The following RBPMS variants were observed in gnomAD, a reference collection of about 807,000 sequenced individuals.
The protein encoded by RBPMS is RNA-binding protein with multiple splicing.
Under a neutral mutation model 26.8 loss-of-function variants are expected in RBPMS, and 7 were observed. That is an observed-to-expected ratio of 0.26 (90% CI 0.15 to 0.49). The LOEUF (loss-of-function observed/expected upper bound fraction) is 0.49. RBPMS is among the 20% of genes least tolerant of loss of function. The pLI is 0.98. For missense variants in RBPMS, 186 were observed against 250.0 expected, an observed-to-expected ratio of 0.74 and a Z score of 1.73; for synonymous variants, 96 against 93.3, an observed-to-expected ratio of 1.03 and a Z score of -0.17.
At chr8:30,464,438 G>A (rs1026896452) in intron 1 of RBPMS, among the ~76,000 whole-genome samples, 1 of 152,126 alleles carries the variant, frequency 6.6e-6, no homozygotes, top group Admixed American at 6.5e-5. Flanking sequence ...CAGCTTTCTA[G>A]TTCACACCTT....
chr8:30,558,926 TG>T lies in RBPMS; in HGVS notation c.570del (p.Trp190Ter), dbSNP rs1225952466. ...LPPSEATSQGWKSRQFC is the reference protein window; with the variant it reads ...LPPSEATSQGXKSRQFC ...TCCCTCCGAGGCTACTTCTCAGGGC[TG>T]GAAGTCCCGTCAGTTCTGCTGAATA... On this transcript the variant is annotated frameshift_variant, in exon 7 of 9. Transcript: ENST00000397323. LOFTEE classifies it high-confidence loss of function. 1 of 1,614,194 alleles carries T rather than the reference TG, an allele frequency of 6.2e-7. No individual in the cohort carries two copies. Among genetic ancestry groups the T allele is most frequent in the Non-Finnish European group, 8.5e-7 (1 of 1,180,026 alleles).
At chr8:30,513,203 C>G (rs1460080185) in intron 5 of RBPMS, among the ~76,000 whole-genome samples, 1 of 152,048 alleles carries the variant, frequency 6.6e-6, no homozygotes, top group East Asian at 1.9e-4. Context: ...AAGTGAGACA[C>G]AGAGGAGAAA....
Position 30,497,957 on chromosome 8 carries a change from T to A in RBPMS, c.247-6329T>A, listed in dbSNP as rs940812748. On this transcript the variant is annotated intron_variant, in intron 4 of 8. Coordinates refer to ENST00000397323, the MANE Select transcript of RBPMS (RefSeq NM_001008710.3). ...AGAGGGATAGTAGCAAATTTGACCT[T>A]GAGTTTCATTGGCTGTGGGTTTTCA... 2.6e-5 allele frequency among the ~76,000 whole-genome samples: 4 copies of A among 151,630 alleles called. No homozygotes were observed. In the East Asian group the frequency reaches 7.7e-4, roughly 29 times the overall value.
Position 30,556,844 on chromosome 8 carries a change from C to T in RBPMS, c.529-2043C>T. The T allele has an allele frequency of 3.3e-6, 3 of 907,706 alleles. No homozygotes were observed. In the South Asian group the frequency reaches 1.5e-4, roughly 46 times the overall value. The allele number at this position is 907,706 out of a possible 1,614,324, so 56.2% of individuals were successfully genotyped here. ...CCACCTCTGCCCTCCCTCTCCTCCC[C>T]TAGACTCTTCTGTCCCCTTCCCTGC... On this transcript the variant is annotated intron_variant, in intron 6 of 8. Transcript: ENST00000397323.
chr8:30,486,291 G>C (rs1166880558), intron 4 of RBPMS, among the ~76,000 whole-genome samples: 2 of 151,848 alleles, frequency 1.3e-5, no homozygotes, highest in Non-Finnish European at 2.9e-5. Context: ...AGTGAGCCAA[G>C]ATCGCACCAC....
chr8:30,435,370 T>C (rs1812342539), intron 1 of RBPMS, among the ~76,000 whole-genome samples: 1 of 152,146 alleles, frequency 6.6e-6, no homozygotes, highest in East Asian at 1.9e-4. Context: ...GGCATTTAGA[T>C]AAGGGATGCT....
chr8:30,392,808 TAG>T (rs765122916), intron 1 of RBPMS, among the ~76,000 whole-genome samples: 1 of 151,790 alleles, frequency 6.6e-6, no homozygotes, highest in Non-Finnish European at 1.5e-5. Flanking sequence ...GAATAGAAAA[TAG>T]AGATGTGGAA....
At chr8:30,510,500 CTTT>C (rs35949437) in intron 5 of RBPMS, among the ~76,000 whole-genome samples, 1 of 146,774 alleles carries the variant, frequency 6.8e-6, no homozygotes, top group African/African-American at 2.5e-5. Context: ...ACCACACTGC[CTTT>C]TTTTTTTTTC....
At chr8:30,518,658 C>T (rs1822615856) in intron 5 of RBPMS, among the ~76,000 whole-genome samples, 1 of 141,282 alleles carries the variant, frequency 7.1e-6, no homozygotes, top group Non-Finnish European at 1.5e-5. Context: ...GAACTCCTGA[C>T]CTCCAGTGAT....
At chr8:30,430,890 G>T (rs1202377574) in intron 1 of RBPMS, among the ~76,000 whole-genome samples, 2 of 152,144 alleles carry the variant, frequency 1.3e-5, no homozygotes, top group Non-Finnish European at 2.9e-5. Context: ...CACTATCCAA[G>T]TTGCTAAAAT....
Position 30,558,554 on chromosome 8 carries a change from G to C in RBPMS, c.529-333G>C, listed in dbSNP as rs533828482. The C allele has an allele frequency of 1.5e-3, 646 of 443,534 alleles. 2 individuals carry two copies. Among genetic ancestry groups the C allele is most frequent in the Non-Finnish European group, 2.1e-3 (494 of 237,786 alleles). 27.5% of individuals were successfully genotyped at this position (443,534 alleles called of 1,614,324 possible). Reference sequence around the variant, plus strand: ...ATAGCCTTTCACCAGCCTAGGCCTGGGAAAAGGAATTCGCTGTGCCGGATC... The same window carrying C: ...ATAGCCTTTCACCAGCCTAGGCCTGCGAAAAGGAATTCGCTGTGCCGGATC... On this transcript the variant is annotated intron_variant, in intron 6 of 8. Transcript: ENST00000397323.
intron 1 of RBPMS, among the ~76,000 whole-genome samples, chr8:30,391,585 G>C (rs184342533): frequency 0.01 from 1,535 of 152,318 alleles, 26 homozygotes; most frequent in Admixed American, 0.042. Context: ...TGCTATGTTG[G>C]TATGAACAAG....
chr8:30,525,700 G>A (rs996317325), intron 5 of RBPMS, among the ~76,000 whole-genome samples: 5 of 152,208 alleles, frequency 3.3e-5, no homozygotes, highest in Non-Finnish European at 7.3e-5. Flanking sequence ...AGCTGCTTGC[G>A]GGGGAACGTA....
intron 4 of RBPMS, among the ~76,000 whole-genome samples, chr8:30,493,930 A>ATACATAGGGGTGGT (rs1477299587): frequency 4.6e-5 from 7 of 152,206 alleles, no homozygotes; most frequent in Non-Finnish European, 8.8e-5. Flanking sequence ...GCATGGTTAT[A>ATACATAGGGGTGGT]TACATAGGGG....
At chr8:30,560,780 C>G (rs1020452240) in intron 7 of RBPMS, among the ~76,000 whole-genome samples, 2 of 152,078 alleles carry the variant, frequency 1.3e-5, no homozygotes, top group African/African-American at 4.8e-5. Context: ...TACTTGAAAC[C>G]AGGTCATCCT....
At chr8:30,424,733 G>T (rs1309083692) in intron 1 of RBPMS, among the ~76,000 whole-genome samples, 3 of 152,166 alleles carry the variant, frequency 2.0e-5, no homozygotes, top group African/African-American at 7.2e-5. Context: ...GATCTAGAAA[G>T]AAGGCCCTTA....
intron 4 of RBPMS, among the ~76,000 whole-genome samples, chr8:30,487,504 C>A (rs1036303373): frequency 3.3e-5 from 5 of 152,074 alleles, no homozygotes; most frequent in Non-Finnish European, 7.4e-5. Context: ...CAAGTATATG[C>A]AATATGAGGT....
intron 1 of RBPMS, among the ~76,000 whole-genome samples, chr8:30,428,373 T>C (rs1429092636): frequency 6.6e-6 from 1 of 152,024 alleles, no homozygotes; most frequent in Non-Finnish European, 1.5e-5. Context: ...GGAGGATCGC[T>C]TGAGCCAAGG....
chr8:30,549,123 G>A (rs1826089471), intron 6 of RBPMS, among the ~76,000 whole-genome samples: 1 of 152,196 alleles, frequency 6.6e-6, no homozygotes, highest in African/African-American at 2.4e-5. Context: ...TGCTGTGAGG[G>A]TGGTTGGTCC....
Sources: allele counts gnomAD v4.1 joint callset (sites outside exome capture counted in the v4.1 genomes callset), GRCh38; gene constraint gnomAD v4.1.1; transcripts MANE v1.5; gene names NCBI Gene and HGNC (gene_info 2026-07-23, HGNC 2026-07-21).